PCDH11X: variants seen among roughly 807,000 people sequenced by gnomAD.
PCDH11X encodes the protein protocadherin-11 X-linked.
Under a neutral mutation model 53.3 loss-of-function variants are expected in PCDH11X, and 18 were observed. The observed-to-expected ratio is 0.34, with a 90% CI of 0.23 to 0.50. PCDH11X has a LOEUF of 0.50. PCDH11X is among the 20% of genes least tolerant of loss of function. The pLI, the probability that PCDH11X is intolerant of heterozygous loss-of-function variation, is 0.98. For synonymous variants in PCDH11X, 279 were observed against 393.3 expected (o/e 0.71, Z 3.44); for missense variants, 570 against 1,032.4 (o/e 0.55, Z 6.14).
chrX:92,395,774 G>T, intron 9 of PCDH11X, among the ~76,000 whole-genome samples: 1 of 110,497 alleles, frequency 9.1e-6, no homozygotes, highest in Non-Finnish European at 1.9e-5. Flanking sequence ...GATGTGTATC[G>T]TTTATCGTGT....
At chrX:92,606,575 T>G (rs1926850259) in intron 10 of PCDH11X, among the ~76,000 whole-genome samples, 1 of 108,409 alleles carries the variant, frequency 9.2e-6, no homozygotes, top group South Asian at 4.1e-4. Flanking sequence ...ATAAAACTAT[T>G]AGAAATCACA....
chrX:91,984,698 A>G (rs1244405170), intron 6 of PCDH11X, among the ~76,000 whole-genome samples: 1 of 111,482 alleles, frequency 9.0e-6, no homozygotes, highest in Non-Finnish European at 1.9e-5. Context: ...TAACCTGTTA[A>G]AATGAAAATC....
intron 10 of PCDH11X, among the ~76,000 whole-genome samples, chrX:92,478,584 T>C (rs2073437668): frequency 9.0e-6 from 1 of 111,476 alleles, no homozygotes; most frequent in African/African-American, 3.3e-5. Context: ...TTCTTATGAG[T>C]TTCAAATAAC....
At chrX:92,597,850 T>G (rs912133721) in intron 10 of PCDH11X, among the ~76,000 whole-genome samples, 1 of 111,141 alleles carries the variant, frequency 9.0e-6, no homozygotes, top group Non-Finnish European at 1.9e-5. Flanking sequence ...AGGAACAGAA[T>G]CGAGAACCTA....
rs1203757349 is a variant in PCDH11X at position 92,618,653 on chromosome X, G to T, written c.3757G>T (p.Ala1253Ser). The T allele has an allele frequency of 1.4e-5, 17 of 1,210,542 alleles. No homozygotes were observed. Among genetic ancestry groups the T allele is most frequent in the Non-Finnish European group, 1.9e-5 (17 of 895,279 alleles). Residue 1253 changes from alanine to serine, a missense_variant, in exon 11 of 11, where the codon GCT (alanine) becomes TCT (serine). Coordinates refer to ENST00000682573, the MANE Select transcript of PCDH11X (RefSeq NM_032968.5). ...LCYSPPLAQA[A>S]AISHSSPLPQ... ...CTACAGCCCTCCTTTAGCACAGGCT[G>T]CTGCAATCAGCCACAGCTCTCCTCT...
At chrX:92,013,696 T>A (rs1047308465) in intron 6 of PCDH11X, among the ~76,000 whole-genome samples, 1 of 110,972 alleles carries the variant, frequency 9.0e-6, no homozygotes, top group African/African-American at 3.3e-5. Flanking sequence ...TATAGACCCA[T>A]GGAACAGAAC....
intron 10 of PCDH11X, among the ~76,000 whole-genome samples, chrX:92,484,549 G>A (rs1421688614): frequency 9.2e-6 from 1 of 108,490 alleles, no homozygotes; most frequent in Non-Finnish European, 1.9e-5. Flanking sequence ...CACTACTCAG[G>A]CATAAAAAGG....
At chrX:92,381,895 T>C (rs2070882260) in intron 8 of PCDH11X, among the ~76,000 whole-genome samples, 1 of 111,064 alleles carries the variant, frequency 9.0e-6, no homozygotes, top group South Asian at 3.8e-4. Context: ...TTCTTAAAAA[T>C]AAAATGATTA....
chrX:92,393,758 A>C (rs2071183178), intron 9 of PCDH11X, among the ~76,000 whole-genome samples: 1 of 110,671 alleles, frequency 9.0e-6, no homozygotes, highest in Non-Finnish European at 1.9e-5. Flanking sequence ...ATAGGTTATA[A>C]AGAATGGTTC....
chrX:92,126,647 AT>A (rs1321551615), intron 6 of PCDH11X, among the ~76,000 whole-genome samples: 6 of 109,255 alleles, frequency 5.5e-5, no homozygotes, highest in African/African-American at 1.0e-4. Flanking sequence ...ATTAAAATAA[AT>A]TTTAAAAAAA....
chrX:92,363,022 T>G, intron 8 of PCDH11X, among the ~76,000 whole-genome samples: 1 of 111,113 alleles, frequency 9.0e-6, no homozygotes, highest in Non-Finnish European at 1.9e-5. Context: ...TATCTGTCTT[T>G]ATTCTAGTAC....
At position 92,580,066 on chromosome X, in the gene PCDH11X, G is replaced by A. The variant is rs550935129; in HGVS notation, c.3368-38198G>A. Reference sequence around the variant, plus strand: ...CTGGGACACTCCCACACCTGGAGGTGTCACCAGTGGAGGCTGCAGAACAGC... The same window carrying A: ...CTGGGACACTCCCACACCTGGAGGTATCACCAGTGGAGGCTGCAGAACAGC... On this transcript the variant is annotated intron_variant, in intron 10 of 10. Transcript: ENST00000682573. 9.5e-5 allele frequency among the ~76,000 whole-genome samples: 10 copies of A among 104,778 alleles called. No individual in the cohort carries two copies. The South Asian group carries it at 3.7e-3, about 39-fold the overall frequency. The allele number at this position is 104,778 out of a possible 115,157, so 91.0% of individuals were successfully genotyped here.
At chrX:92,540,539 T>C (rs2148736340) in intron 10 of PCDH11X, among the ~76,000 whole-genome samples, 1 of 103,802 alleles carries the variant, frequency 9.6e-6, no homozygotes, top group Admixed American at 1.1e-4. Context: ...AGCCTGCTTG[T>C]TGCTCTACTC....
At chrX:92,124,603 G>T in intron 6 of PCDH11X, among the ~76,000 whole-genome samples, 1 of 108,208 alleles carries the variant, frequency 9.2e-6, no homozygotes, top group Non-Finnish European at 1.9e-5. Flanking sequence ...TAGCACTGGA[G>T]ATGACATTCT....
chrX:92,405,717 G>A (rs2071491399), intron 9 of PCDH11X, among the ~76,000 whole-genome samples: 1 of 106,976 alleles, frequency 9.3e-6, no homozygotes, highest in African/African-American at 3.4e-5. Flanking sequence ...ACCACTGTAA[G>A]ATATGAAAGT....
At chrX:91,798,513 A>C (rs1413439088) in intron 1 of PCDH11X, among the ~76,000 whole-genome samples, 6 of 106,628 alleles carry the variant, frequency 5.6e-5, no homozygotes, top group African/African-American at 1.0e-4. Context: ...CACTTGAACC[A>C]GGGAGGCAGA....
chrX:92,538,259 A>G (rs1401529666), intron 10 of PCDH11X, among the ~76,000 whole-genome samples: 1 of 102,327 alleles, frequency 9.8e-6, no homozygotes, highest in Non-Finnish European at 2.0e-5. Flanking sequence ...GTGTGTATCT[A>G]TATCGGAGAA....
chrX:92,110,309 A>G (rs112950202), intron 6 of PCDH11X, among the ~76,000 whole-genome samples: 6,120 of 108,548 alleles, frequency 0.056, 472 homozygotes, highest in African/African-American at 0.2. Flanking sequence ...CACAGTACCA[A>G]TGCCAATATA....
chrX:92,297,352 ATCT>A (rs909861095), intron 8 of PCDH11X, among the ~76,000 whole-genome samples: 13 of 104,127 alleles, frequency 1.2e-4, no homozygotes, highest in Non-Finnish European at 2.6e-4. Flanking sequence ...TCCAGTTTCA[ATCT>A]TCTGCATATG....
Sources: gnomAD v4.1 joint callset for allele counts (sites outside exome capture counted in the v4.1 genomes callset) on GRCh38, gnomAD v4.1.1 for gene constraint, MANE v1.5 for transcripts, NCBI Gene and HGNC (gene_info 2026-07-23, HGNC 2026-07-21) for gene names.